Variants in ZNF384 observed in about 807,000 individuals in gnomAD.
ZNF384 encodes zinc finger protein 384.
Under a neutral mutation model 65.0 loss-of-function variants are expected in ZNF384, and 20 were observed. The observed-to-expected ratio is 0.31, with a 90% CI of 0.22 to 0.45. ZNF384 has a LOEUF of 0.45. Among genes scored for constraint, ZNF384 ranks in the 20% least tolerant of loss-of-function variants. ZNF384 has a pLI of 1.00. For synonymous variants in ZNF384, 310 were observed against 303.9 expected, an observed-to-expected ratio of 1.02 and a Z score of -0.21; for missense variants, 549 against 769.4, an observed-to-expected ratio of 0.71 and a Z score of 3.39.
chr12:6,677,005 T>C (rs1953891145), intron 7 of ZNF384, among the ~76,000 whole-genome samples, 162 bp downstream of exon 7: 1 of 152,180 alleles, frequency 6.6e-6, no homozygotes, highest in Non-Finnish European at 1.5e-5. Context: ...ACAACACAAA[T>C]AAAAATAAAT....
At chr12:6,670,866 A>C (rs1273690111) in intron 9 of ZNF384, 28 bp from the exon 10 acceptor site, 1 of 1,604,308 alleles carries the variant, frequency 6.2e-7, no homozygotes, top group Non-Finnish European at 8.5e-7. Context: ...AAAAAGGGAA[A>C]GAATGTCAGC....
At position 6,679,065 on chromosome 12, in the gene ZNF384, G is replaced by A. The variant is rs1355752952; in HGVS notation, c.185C>T (p.Pro62Leu). Residue 62 changes from proline (P) to leucine (L), a missense_variant, in exon 4 of 12, where the codon CCC becomes CTC. By Grantham distance (98) the Pro-to-Leu change is moderately conservative. Around this residue, in one of 5 missense-constraint regions of ZNF384, gnomAD observed 277 missense variants for 337.2 expected, o/e 0.82. Coordinates refer to ENST00000683879, the MANE Select transcript of ZNF384 (RefSeq NM_001385745.1). ...CTCTGTGTCCATACTGATGCCTGAG[G>A]GCAGGGACACTGAGGCAGGCACTGT... ...LLTVPASVSL[P>L]SGISMDTESK... 17 of 1,614,154 alleles carry A rather than the reference G, an allele frequency of 1.1e-5. No homozygotes were observed. Among genetic ancestry groups the A allele is most frequent in the Non-Finnish European group, 1.4e-5 (17 of 1,180,016 alleles).
Position 6,678,485 on chromosome 12 carries a change from G to A in ZNF384, c.353-25C>T, listed in dbSNP as rs377154851. 1,543 of 1,563,248 alleles carry A rather than the reference G, an allele frequency of 9.9e-4. 15 individuals carry two copies. The highest frequency in any genetic ancestry group is 3.4e-3 in the South Asian group (298 of 86,504). The stretch of plus-strand genomic sequence containing the variant: ...CCTAGGATTGGGAGAAAAAGGAGAT[G>A]GCGTCATGTTGTTCAGTCCTGATCC... On this transcript the variant is annotated intron_variant, in intron 5 of 11. Coordinates refer to ENST00000683879, the MANE Select transcript of ZNF384 (RefSeq NM_001385745.1). The surrounding 1 kb of genome is among the most constrained non-coding windows in gnomAD (Gnocchi z 4.9).
intron 6 of ZNF384, 107 bp from the exon 7 acceptor site, chr12:6,677,366 T>C: frequency 4.3e-6 from 5 of 1,165,830 alleles, no homozygotes; most frequent in Non-Finnish European, 5.4e-6. Flanking sequence ...GCTGTGACAG[T>C]AGTTATCCCA....
intron 2 of ZNF384, among the ~76,000 whole-genome samples, chr12:6,685,741 C>A (rs1241235166): frequency 7.1e-6 from 1 of 140,302 alleles, no homozygotes; most frequent in Non-Finnish European, 1.5e-5. Context: ...CAGACCACTG[C>A]ACTCCAGCCT....
Position 6,673,166 on chromosome 12 carries a change from G to T in ZNF384, c.1004+50C>A. 1 of 1,545,498 alleles carries T rather than the reference G, an allele frequency of 6.5e-7. No individual in the cohort carries two copies. Among genetic ancestry groups the T allele is most frequent in the Non-Finnish European group, 8.9e-7 (1 of 1,125,292 alleles). ...AGAGAGGAGTAGGTGCAGGCAACAT[G>T]GTCTTAGGGTTCACGGCCAGGTGGT... On this transcript the variant is annotated intron_variant, in intron 8 of 11. Coordinates refer to ENST00000683879, the MANE Select transcript of ZNF384 (RefSeq NM_001385745.1). This position sits in a 1 kb window ranked among gnomAD's most constrained non-coding sequence, Gnocchi z 4.7.
In ZNF384 at chr12:6,678,675, T is replaced by G; in HGVS notation, c.340A>C (p.Ser114Arg). ...CAGTGAGATTTACCCCTTGATTGAC[T>G]CCCTTCTCTTCTCCACCTCTGAGAA... ...SCSQRWRREG[S>R]QSRGPGLVIT... Residue 114 changes from serine to arginine, a missense_variant, in exon 5 of 12, where the codon AGT becomes CGT. Around this residue, in one of 5 missense-constraint regions of ZNF384, gnomAD observed 277 missense variants for 337.2 expected, o/e 0.82. Coordinates refer to ENST00000683879, the MANE Select transcript of ZNF384 (RefSeq NM_001385745.1). The surrounding 1 kb of genome is among the most constrained non-coding windows in gnomAD (Gnocchi z 4.9). 1 of 1,613,348 alleles carries G rather than the reference T, an allele frequency of 6.2e-7. No individual in the cohort carries two copies. The highest frequency in any genetic ancestry group is 8.5e-7 in the Non-Finnish European group (1 of 1,179,818).
At chr12:6,675,005 A>G (rs1165902986) in intron 7 of ZNF384, among the ~76,000 whole-genome samples, 2 of 152,224 alleles carry the variant, frequency 1.3e-5, no homozygotes, top group African/African-American at 2.4e-5. Context: ...CAGGTAGAAC[A>G]TATTTATTTT....
In ZNF384 at chr12:6,678,321, G is replaced by C; in HGVS notation, c.492C>G (p.Leu164=). 6.2e-7 allele frequency: 1 copy of C among 1,614,134 alleles called. No individual in the cohort carries two copies. The highest frequency in any genetic ancestry group is 8.5e-7 in the Non-Finnish European group (1 of 1,180,010). ...GSQALQVVPD[L]SKKVASTLTE... The stretch of plus-strand genomic sequence containing the variant: ...TTAGGGTCGATGCTACCTTCTTGGA[G>C]AGGTCAGGGACAACCTGCAGGGCTT... The change falls in exon 6 of 12, where the codon CTC becomes CTG. Residue 164 remains leucine, a synonymous_variant. Coordinates refer to ENST00000683879, the MANE Select transcript of ZNF384 (RefSeq NM_001385745.1). This position sits in a 1 kb window ranked among gnomAD's most constrained non-coding sequence, Gnocchi z 4.9.
rs1159470710 is a variant in ZNF384 at position 6,679,508 on chromosome 12, G to C, written c.13C>G (p.His5Asp). Residue 5 changes from histidine (H) to aspartate (D), a missense_variant, in exon 3 of 12, where the codon CAC (histidine) becomes GAC (aspartate). Transcript: ENST00000683879. Reference sequence around the variant, plus strand: ...CAGAAGTACGGGTTAGAATTGAAGTGAGATTCTTCCATTCTACCTGAAGAA... The same window carrying C: ...CAGAAGTACGGGTTAGAATTGAAGTCAGATTCTTCCATTCTACCTGAAGAA... MEES[H>D]FNSNPYFWPS... is the part of the protein sequence containing the mutation. 6.2e-7 allele frequency: 1 copy of C among 1,613,594 alleles called. No individual in the cohort carries two copies. Among genetic ancestry groups the C allele is most frequent in the Non-Finnish European group, 8.5e-7 (1 of 1,179,492 alleles).
In ZNF384 at chr12:6,672,174, T is replaced by C. The variant is rs1251912239; in HGVS notation, c.1187+176A>G. 11 of 641,730 alleles carry C rather than the reference T, an allele frequency of 1.7e-5. No homozygotes were observed. The highest frequency in any genetic ancestry group is 2.9e-5 in the Non-Finnish European group (11 of 377,396). The allele number at this position is 641,730 out of a possible 1,614,324, so 39.8% of individuals were successfully genotyped here. On this transcript the variant is annotated intron_variant, in intron 9 of 11. Transcript: ENST00000683879. The surrounding 1 kb of genome is among the most constrained non-coding windows in gnomAD (Gnocchi z 4.4). Reference sequence around the variant, plus strand: ...TAGCTCTTGCCCCAGAGAAGCTCTGTGTCCACTTGAATCTCCAGTGTTGTT... The same window carrying C: ...TAGCTCTTGCCCCAGAGAAGCTCTGCGTCCACTTGAATCTCCAGTGTTGTT...
chr12:6,681,135 C>T (rs1955769843), intron 2 of ZNF384, among the ~76,000 whole-genome samples: 2 of 150,996 alleles, frequency 1.3e-5, no homozygotes, highest in African/African-American at 4.9e-5. Flanking sequence ...AAGAGAATTG[C>T]TTGAACCCAG....
rs80001022 is a variant in ZNF384, at chr12:6,670,718, T to A, written c.1266+42A>T. Reference sequence around the variant, plus strand: ...CCACGATACTATTCAAATGGCCCCATGTCTCAGACTCAAGGTCTTGTGTGG... The same window carrying A: ...CCACGATACTATTCAAATGGCCCCAAGTCTCAGACTCAAGGTCTTGTGTGG... On this transcript the variant is annotated intron_variant, in intron 10 of 11. Coordinates refer to ENST00000683879, the MANE Select transcript of ZNF384 (RefSeq NM_001385745.1). 1.8e-3 allele frequency: 2,875 copies of A among 1,565,418 alleles called. 40 individuals carry two copies. In the African/African-American group the frequency reaches 0.025, roughly 14 times the overall value.
Position 6,668,343 on chromosome 12 carries a change from G to C in ZNF384, c.1426-228C>G, listed in dbSNP as rs1047460509. On this transcript the variant is annotated intron_variant, in intron 11 of 11. Transcript: ENST00000683879. Reference sequence around the variant, plus strand: ...CAACATTCAACTGGCAAAGGAATGAGCTGCTATTTTTTTCAAAGACCCCTG... The same window carrying C: ...CAACATTCAACTGGCAAAGGAATGACCTGCTATTTTTTTCAAAGACCCCTG... Among the ~76,000 whole-genome samples, 7 of 152,264 alleles carry C rather than the reference G, an allele frequency of 4.6e-5. No individual in the cohort carries two copies. In the South Asian group the frequency reaches 1.5e-3, roughly 32 times the overall value.
chr12:6,671,655 G>A (rs1951535476), intron 9 of ZNF384: 2 of 152,276 alleles, frequency 1.3e-5, no homozygotes, highest in Non-Finnish European at 2.9e-5. Flanking sequence ...CAAGAAGCCG[G>A]GTGAGACGGT....
chr12:6,670,042 T>C (rs1054035048), intron 10 of ZNF384, among the ~76,000 whole-genome samples: 13 of 152,190 alleles, frequency 8.5e-5, no homozygotes, highest in African/African-American at 3.1e-4. Flanking sequence ...ATGTTTTACA[T>C]GTAACCCTTA....
Position 6,667,687 on chromosome 12 carries a change from C to T in ZNF384, c.*27G>A, listed in dbSNP as rs766034385. 1 of 1,614,040 alleles carries T rather than the reference C, an allele frequency of 6.2e-7. No homozygotes were observed. The highest frequency in any genetic ancestry group is 8.5e-7 in the Non-Finnish European group (1 of 1,180,026). On this transcript the variant is annotated 3_prime_UTR_variant, in exon 12 of 12. Coordinates refer to ENST00000683879, the MANE Select transcript of ZNF384 (RefSeq NM_001385745.1). ...GAAGACACCAGGACTACTTCTTCCT[C>T]TTCCCAGTGGGTGGCAGCACGGATC...
chr12:6,687,165 T>C (rs1958223545), intron 2 of ZNF384, among the ~76,000 whole-genome samples: 1 of 152,218 alleles, frequency 6.6e-6, no homozygotes, highest in South Asian at 2.1e-4. Flanking sequence ...CCATAAACTC[T>C]TCCAAGTACA....
intron 11 of ZNF384, 73 bp from the exon 12 acceptor site, chr12:6,668,188 G>A (rs1298203783): frequency 4.9e-6 from 7 of 1,425,674 alleles, no homozygotes; most frequent in African/African-American, 1.4e-5. Flanking sequence ...TAGCACCCCA[G>A]GCTCTGATTC....
Sources: allele counts gnomAD v4.1 joint callset (sites outside exome capture counted in the v4.1 genomes callset), GRCh38; gene constraint gnomAD v4.1.1; regional missense constraint gnomAD v4.1.1; non-coding constraint Gnocchi (gnomAD v3.1); transcripts MANE v1.5; gene names NCBI Gene and HGNC (gene_info 2026-07-23, HGNC 2026-07-21).